NEGR1: variants seen among roughly 807,000 people sequenced by gnomAD.
NEGR1 encodes neuronal growth regulator 1, also known as IgLON family member 4.
In NEGR1, 10 loss-of-function variants were observed where a neutral mutation model predicts 40.9. That is an observed-to-expected ratio of 0.24 (90% CI 0.15 to 0.42). The LOEUF is 0.42. NEGR1 is among the 10% of genes least tolerant of loss of function. The pLI is 1.00. For missense variants in NEGR1, 352 were observed against 438.9 expected, an observed-to-expected ratio of 0.80 and a Z score of 1.77; for synonymous variants, 185 against 166.8, an observed-to-expected ratio of 1.11 and a Z score of -0.84.
intron 2 of NEGR1, among the ~76,000 whole-genome samples, chr1:71,868,750 T>C (rs573735556): frequency 1.3e-5 from 2 of 152,202 alleles, no homozygotes; most frequent in East Asian, 1.9e-4. Context: ...CTCTCACTTA[T>C]GTCTGCACTT....
chr1:71,521,661 G>T (rs1647158146), intron 6 of NEGR1, among the ~76,000 whole-genome samples: 1 of 151,916 alleles, frequency 6.6e-6, no homozygotes, highest in South Asian at 2.1e-4. Context: ...TTTTTCAATT[G>T]TCAGTAGGTA....
chr1:72,016,652 G>C (rs530702656), intron 1 of NEGR1, among the ~76,000 whole-genome samples: 5 of 152,250 alleles, frequency 3.3e-5, no homozygotes, highest in African/African-American at 9.6e-5. Context: ...AAACTTGGAA[G>C]ACTAAAAGAT....
At chr1:71,596,249 CAAT>C (rs1401382757) in intron 5 of NEGR1, among the ~76,000 whole-genome samples, 1 of 152,164 alleles carries the variant, frequency 6.6e-6, no homozygotes, top group Non-Finnish European at 1.5e-5. Flanking sequence ...TCTCTGACAC[CAAT>C]AGAAGTTTGC....
chr1:71,652,478 G>A (rs1471850901), intron 4 of NEGR1, among the ~76,000 whole-genome samples: 3 of 152,040 alleles, frequency 2.0e-5, no homozygotes, highest in Non-Finnish European at 4.4e-5. Context: ...ATTTTTTATA[G>A]ACATATATGG....
intron 4 of NEGR1, among the ~76,000 whole-genome samples, chr1:71,679,926 A>G (rs1444611856): frequency 6.6e-6 from 1 of 152,014 alleles, no homozygotes; most frequent in Non-Finnish European, 1.5e-5. Flanking sequence ...GAAATGACCT[A>G]TGGTTTTTCT....
intron 1 of NEGR1, among the ~76,000 whole-genome samples, chr1:72,200,601 T>C (rs1653169616): frequency 1.3e-5 from 2 of 151,918 alleles, no homozygotes; most frequent in Admixed American, 1.3e-4. Context: ...ATATGAAATG[T>C]ACCCGTGTAA....
intron 1 of NEGR1, among the ~76,000 whole-genome samples, chr1:72,124,934 A>G (rs1178366240): frequency 6.6e-6 from 1 of 152,098 alleles, no homozygotes; most frequent in Non-Finnish European, 1.5e-5. Flanking sequence ...TAAAGTGAGT[A>G]GTATTTTTTC....
chr1:71,971,517 T>C (rs973821775), intron 1 of NEGR1, among the ~76,000 whole-genome samples: 3 of 152,192 alleles, frequency 2.0e-5, no homozygotes, highest in Non-Finnish European at 4.4e-5. Flanking sequence ...GAGCAGTGCT[T>C]TGCTCACCAC....
chr1:71,749,940 A>G (rs1655510874), intron 3 of NEGR1, among the ~76,000 whole-genome samples: 1 of 152,098 alleles, frequency 6.6e-6, no homozygotes, highest in Non-Finnish European at 1.5e-5. Context: ...AAAATGCCTC[A>G]CAAAGCTACA....
At chr1:72,097,229 T>C (rs1283902218) in intron 1 of NEGR1, among the ~76,000 whole-genome samples, 1 of 152,188 alleles carries the variant, frequency 6.6e-6, no homozygotes, top group African/African-American at 2.4e-5. Flanking sequence ...TTTTAACTTG[T>C]TTAATCTCAC....
intron 1 of NEGR1, among the ~76,000 whole-genome samples, chr1:72,001,648 C>T (rs570053845): frequency 6.7e-6 from 1 of 148,798 alleles, no homozygotes; most frequent in Admixed American, 6.8e-5. Context: ...AACTAGATAC[C>T]AGTTAAGTTC....
chr1:71,672,597 C>G (rs1652472286), intron 4 of NEGR1, among the ~76,000 whole-genome samples: 2 of 152,054 alleles, frequency 1.3e-5, no homozygotes, highest in African/African-American at 4.8e-5. Context: ...CAAAATATCT[C>G]AAAGTCCTTA....
At position 71,999,678 on chromosome 1, in the gene NEGR1, T is replaced by TATATATATATATATAC. The variant is rs1457710237; in HGVS notation, c.177-64368_177-64367insGTATATATATATATAT. On this transcript the variant is annotated intron_variant, in intron 1 of 6. Transcript: ENST00000357731. ...ATATATATATATATATATATATATA[T>TATATATATATATATAC]ACATACATATTTTTGTCCGGTCTCG... Among the ~76,000 whole-genome samples the TATATATATATATATAC allele has an allele frequency of 9.6e-4, 48 of 49,860 alleles. 5 individuals carry two copies. Among genetic ancestry groups the TATATATATATATATAC allele is most frequent in the Non-Finnish European group, 1.6e-3 (40 of 24,462 alleles). 32.7% of individuals were successfully genotyped at this position (49,860 alleles called of 152,430 possible).
At chr1:71,615,739 A>C (rs1368311733) in intron 4 of NEGR1, among the ~76,000 whole-genome samples, 1 of 152,184 alleles carries the variant, frequency 6.6e-6, no homozygotes, top group African/African-American at 2.4e-5. Flanking sequence ...GGTTTTGCAG[A>C]TTTTGAGCAG....
chr1:71,862,633 T>C (rs1055686059), intron 2 of NEGR1, among the ~76,000 whole-genome samples: 4 of 152,120 alleles, frequency 2.6e-5, no homozygotes, highest in African/African-American at 9.7e-5. Context: ...GATATATTTC[T>C]CTGGCTCTAA....
intron 1 of NEGR1, among the ~76,000 whole-genome samples, chr1:72,204,434 C>T (rs1460036006): frequency 2.6e-5 from 4 of 152,058 alleles, no homozygotes; most frequent in Non-Finnish European, 5.9e-5. Context: ...CTAACAAATA[C>T]AGCCATTTCA....
rs116168431 is a variant in NEGR1, at chr1:71,417,846, C to T, written c.941-10276G>A. Among the ~76,000 whole-genome samples the T allele has an allele frequency of 7.0e-3, 1,063 of 152,212 alleles. 6 individuals carry two copies. Among genetic ancestry groups the T allele is most frequent in the Non-Finnish European group, 0.011 (753 of 68,014 alleles). On this transcript the variant is annotated intron_variant, in intron 6 of 6. Coordinates refer to ENST00000357731, the MANE Select transcript of NEGR1 (RefSeq NM_173808.3). ...CAAGAAGTACCAATGTAAGCCCTAC[C>T]TTGGCCCACAAAGAAATGTTCAGTT...
intron 1 of NEGR1, among the ~76,000 whole-genome samples, chr1:72,105,638 T>C (rs1319500430): frequency 6.6e-6 from 1 of 152,086 alleles, no homozygotes; most frequent in Non-Finnish European, 1.5e-5. Flanking sequence ...CAGCAATGTT[T>C]GCTGAAGTCT....
At chr1:72,056,796 G>T (rs1362421769) in intron 1 of NEGR1, among the ~76,000 whole-genome samples, 1 of 151,374 alleles carries the variant, frequency 6.6e-6, no homozygotes, top group East Asian at 1.9e-4. Flanking sequence ...GTTTTGTTTT[G>T]AAGTCTATTC....
Sources: allele counts gnomAD v4.1 joint callset (sites outside exome capture counted in the v4.1 genomes callset), GRCh38; gene constraint gnomAD v4.1.1; transcripts MANE v1.5; gene names NCBI Gene and HGNC (gene_info 2026-07-23, HGNC 2026-07-21).